The following PLAGL1 variants were observed in gnomAD, a reference collection of about 807,000 sequenced individuals.
The protein encoded by PLAGL1 is PLAG1 like zinc finger 1.
PLAGL1 carries 1 observed loss-of-function variant against 4.6 expected under a neutral mutation model. The ratio of observed to expected loss-of-function variants is 0.22; its 90% confidence interval spans 0.08 to 1.03. The LOEUF (loss-of-function observed/expected upper bound fraction) is 1.03, where lower values mean the gene tolerates loss of function less well. PLAGL1 is among the 50% of genes least tolerant of loss of function. The pLI is 0.58. For synonymous variants in PLAGL1, 240 were observed against 237.8 expected (o/e 1.01, Z -0.08); for missense variants, 464 against 570.4 (o/e 0.81, Z 1.90).
intron 7 of PLAGL1, among the ~76,000 whole-genome samples, chr6:143,944,903 C>T (rs2128510288): frequency 6.6e-6 from 1 of 151,674 alleles, no homozygotes; most frequent in Non-Finnish European, 1.5e-5. Context: ...TTTCATTTAT[C>T]ACCCATGGGT....
chr6:144,064,565 T>TGCGGCGCAGCTCCGACTCG lies in PLAGL1; in HGVS notation c.-267_-249dup, dbSNP rs1292972950. 3.3e-5 allele frequency: 5 copies of TGCGGCGCAGCTCCGACTCG among 151,682 alleles called. No homozygotes were observed. Among genetic ancestry groups the TGCGGCGCAGCTCCGACTCG allele is most frequent in the Non-Finnish European group, 5.9e-5 (4 of 67,956 alleles). The allele number at this position is 151,682 out of a possible 1,614,324, so 9.4% of individuals were successfully genotyped here. On this transcript the variant is annotated 5_prime_UTR_variant, in exon 1 of 4. Coordinates refer to the PLAGL1 transcript ENST00000437412. This position sits in a 1 kb window ranked among gnomAD's most constrained non-coding sequence, Gnocchi z 6.8. ...GGCGGGTCCGGGCGGCCGCTGGGCGTGCGGCGCAGCTCCGACTCGGCGGCG... is the reference window on the plus strand; with the variant it reads ...GGCGGGTCCGGGCGGCCGCTGGGCGTGCGGCGCAGCTCCGACTCGGCGGCGCAGCTCCGACTCGGCGGCG...
intron 1 of PLAGL1, among the ~76,000 whole-genome samples, chr6:144,040,794 A>G (rs999160159): frequency 2.6e-5 from 4 of 152,170 alleles, no homozygotes; most frequent in Non-Finnish European, 5.9e-5. Flanking sequence ...AATTGCTTGA[A>G]CCTGGGAGGT....
In PLAGL1 at chr6:143,994,203, AAATTT is replaced by A. The variant is rs1791160137; in HGVS notation, c.-583-9034_-583-9030del. 6.6e-6 allele frequency among the ~76,000 whole-genome samples: 1 copy of A among 152,170 alleles called. No individual in the cohort carries two copies. The highest frequency in any genetic ancestry group is 2.4e-5 in the African/African-American group (1 of 41,436). ...AGGGACTCCCTAAAGTATACTCGTG[AAATTT>A]ATAACTTACAATGTGGGAAATACTA... On this transcript the variant is annotated intron_variant, in intron 1 of 7. Coordinates refer to ENST00000674357, the MANE Select transcript of PLAGL1 (RefSeq NM_001317162.2). This position sits in a 1 kb window ranked among gnomAD's most constrained non-coding sequence, Gnocchi z 4.3.
In PLAGL1 at chr6:143,942,809, A is replaced by G. The variant is rs1378045792; in HGVS notation, c.153-146T>C. The G allele has an allele frequency of 5.0e-6, 3 of 601,072 alleles. No individual in the cohort carries two copies. Among genetic ancestry groups the G allele is most frequent in the African/African-American group, 3.7e-5 (2 of 53,370 alleles). 37.2% of individuals were successfully genotyped at this position (601,072 alleles called of 1,614,324 possible). On this transcript the variant is annotated intron_variant, in intron 7 of 7. Coordinates refer to ENST00000674357, the MANE Select transcript of PLAGL1 (RefSeq NM_001317162.2). The surrounding 1 kb of genome is among the most constrained non-coding windows in gnomAD (Gnocchi z 7.6). ...ATTCTTTCATATATTTTCCAAATAT[A>G]TAAACTTTTATAATTAAGAAAAGCA...
chr6:143,965,076 C>T lies in PLAGL1; in HGVS notation c.-430-258G>A, dbSNP rs1784167085. The T allele has an allele frequency of 6.6e-6, 1 of 152,094 alleles. No homozygotes were observed. Among genetic ancestry groups the T allele is most frequent in the Non-Finnish European group, 1.5e-5 (1 of 68,026 alleles). The allele number at this position is 152,094 out of a possible 1,614,324, so 9.4% of individuals were successfully genotyped here. ...GATGGAAATGATTGCATGCTGGAAA[C>T]TGAGATGCTTTAGGGGAGAGAAGAT... On this transcript the variant is annotated intron_variant, in intron 4 of 7. Transcript: ENST00000674357. The surrounding 1 kb of genome is among the most constrained non-coding windows in gnomAD (Gnocchi z 7.5).
At chr6:144,024,505 C>T (rs1037352832) in intron 1 of PLAGL1, among the ~76,000 whole-genome samples, 1 of 152,186 alleles carries the variant, frequency 6.6e-6, no homozygotes, top group Non-Finnish European at 1.5e-5. Context: ...GTTCTCTGTA[C>T]AAGCTCTCTT....
upstream of PLAGL1, among the ~76,000 whole-genome samples, chr6:144,012,082 C>T (rs773069590): frequency 6.6e-6 from 1 of 152,168 alleles, no homozygotes. The surrounding 1 kb of genome is among the most constrained non-coding windows in gnomAD (Gnocchi z 4.8). Flanking sequence ...AGACAAAGCA[C>T]GCCTCCATAG....
intron 1 of PLAGL1, among the ~76,000 whole-genome samples, chr6:144,019,302 T>C (rs905843633): frequency 6.6e-6 from 1 of 151,972 alleles, no homozygotes; most frequent in African/African-American, 2.4e-5. Flanking sequence ...TGAAACACCG[T>C]CTCTACTAAA....
rs1327238375 is a variant in PLAGL1, at chr6:143,952,734, T to TA, written c.-324-4275dup. Among the ~76,000 whole-genome samples, 1 of 152,126 alleles carries TA rather than the reference T, an allele frequency of 6.6e-6. No homozygotes were observed. The highest frequency in any genetic ancestry group is 1.9e-4 in the East Asian group (1 of 5,190). ...GGGCACAACTGCTTTACAACATTCT[T>TA]AAAATAAACTGTGACTTCTGGCATC... On this transcript the variant is annotated intron_variant, in intron 6 of 7. Coordinates refer to ENST00000674357, the MANE Select transcript of PLAGL1 (RefSeq NM_001317162.2). This position sits in a 1 kb window ranked among gnomAD's most constrained non-coding sequence, Gnocchi z 6.1.
Position 144,063,964 on chromosome 6 carries a change from G to A in PLAGL1, c.-151+504C>T, listed in dbSNP as rs924143807. Among the ~76,000 whole-genome samples, 2 of 152,158 alleles carry A rather than the reference G, an allele frequency of 1.3e-5. No homozygotes were observed. The highest frequency in any genetic ancestry group is 2.9e-5 in the Non-Finnish European group (2 of 68,016). The stretch of plus-strand genomic sequence containing the variant: ...TTTGTTCCCATTAACTCAGTCTCTG[G>A]GAGACGGGCTAAGCTGGCACTTGAG... On this transcript the variant is annotated intron_variant, in intron 1 of 3. Coordinates refer to the PLAGL1 transcript ENST00000437412. This position sits in a 1 kb window ranked among gnomAD's most constrained non-coding sequence, Gnocchi z 5.7.
At chr6:143,944,045 A>G (rs1018737238) in intron 7 of PLAGL1, among the ~76,000 whole-genome samples, 5 of 152,198 alleles carry the variant, frequency 3.3e-5, no homozygotes, top group African/African-American at 9.7e-5. Context: ...TTGTAGCTTC[A>G]TATCCCTCAG....
In PLAGL1 at chr6:143,997,625, C is replaced by T. The variant is rs959371744; in HGVS notation, c.-584+10465G>A. On this transcript the variant is annotated intron_variant, in intron 1 of 7. Transcript: ENST00000674357. This position sits in a 1 kb window ranked among gnomAD's most constrained non-coding sequence, Gnocchi z 4.6. ...CCTGGGAGGTTGAGGCTGCTGTGAA[C>T]TGTCATCCTGTCATCATGCAATCAC... 3.9e-5 allele frequency among the ~76,000 whole-genome samples: 6 copies of T among 152,132 alleles called. No individual in the cohort carries two copies. The highest frequency in any genetic ancestry group is 2.0e-4 in the Admixed American group (3 of 15,274).
Position 143,957,694 on chromosome 6 carries a change from C to T in PLAGL1, c.-325+2775G>A, listed in dbSNP as rs999398564. Among the ~76,000 whole-genome samples, 2 of 152,138 alleles carry T rather than the reference C, an allele frequency of 1.3e-5. No homozygotes were observed. Among genetic ancestry groups the T allele is most frequent in the Admixed American group, 6.5e-5 (1 of 15,270 alleles). On this transcript the variant is annotated intron_variant, in intron 6 of 7. Coordinates refer to ENST00000674357, the MANE Select transcript of PLAGL1 (RefSeq NM_001317162.2). The surrounding 1 kb of genome is among the most constrained non-coding windows in gnomAD (Gnocchi z 4.2). ...TGAAAAGCATATTAGTTACATTGAC[C>T]ATGGGATGCCTGGTTTGTGAGTGAA...
intron 1 of PLAGL1, among the ~76,000 whole-genome samples, chr6:144,038,388 A>G (rs1281027907): frequency 1.3e-5 from 2 of 152,218 alleles, no homozygotes; most frequent in Non-Finnish European, 2.9e-5. Flanking sequence ...ATCTTGAAAG[A>G]GTAGAACAAA....
chr6:144,045,701 G>A (rs181447558), intron 1 of PLAGL1, among the ~76,000 whole-genome samples: 83 of 152,244 alleles, frequency 5.5e-4, no homozygotes, highest in African/African-American at 1.8e-3. Context: ...TCTTTGTGGT[G>A]TTCTCTGTAT....
rs1028020797 is a variant in PLAGL1 at position 144,016,352 on chromosome 6, G to A, written c.-150-47374C>T. 1.3e-5 allele frequency among the ~76,000 whole-genome samples: 2 copies of A among 152,068 alleles called. No individual in the cohort carries two copies. Among genetic ancestry groups the A allele is most frequent in the African/African-American group, 2.4e-5 (1 of 41,394 alleles). ...ACATTTTTCTGCCTGCCTTACATTCGCTGGCACCTGACTAGATTATGCCCA... is the reference window on the plus strand; with the variant it reads ...ACATTTTTCTGCCTGCCTTACATTCACTGGCACCTGACTAGATTATGCCCA... On this transcript the variant is annotated intron_variant, in intron 1 of 3. Coordinates refer to the PLAGL1 transcript ENST00000437412. The surrounding 1 kb of genome is among the most constrained non-coding windows in gnomAD (Gnocchi z 4.2).
intron 1 of PLAGL1, chr6:144,007,814 C>T (rs1329004670): frequency 6.6e-6 from 1 of 152,214 alleles, no homozygotes; most frequent in East Asian, 1.9e-4. Flanking sequence ...TTGTAAGAAT[C>T]GGGTCTGTGG....
intron 1 of PLAGL1, 155 bp downstream of exon 1, chr6:144,007,935 C>T (rs1794647803): frequency 6.6e-6 from 1 of 152,008 alleles, no homozygotes; most frequent in Admixed American, 6.6e-5. Context: ...GGTCCCGCAC[C>T]CGGCCCCGCG....
In PLAGL1 at chr6:143,994,666, C is replaced by T. The variant is rs1791255476; in HGVS notation, c.-583-9492G>A. Among the ~76,000 whole-genome samples the T allele has an allele frequency of 6.6e-6, 1 of 152,178 alleles. No individual in the cohort carries two copies. The highest frequency in any genetic ancestry group is 1.5e-5 in the Non-Finnish European group (1 of 68,022). On this transcript the variant is annotated intron_variant, in intron 1 of 7. Transcript: ENST00000674357. This position sits in a 1 kb window ranked among gnomAD's most constrained non-coding sequence, Gnocchi z 4.3. The stretch of plus-strand genomic sequence containing the variant: ...TCATATTCGGTCCCAACATTTTATT[C>T]CTGCTTGCGTTTCTGGAAAATCCAC...
Sources: allele counts gnomAD v4.1 joint callset (sites outside exome capture counted in the v4.1 genomes callset), GRCh38; gene constraint gnomAD v4.1.1; non-coding constraint Gnocchi (gnomAD v3.1); transcripts MANE v1.5; gene names NCBI Gene and HGNC (gene_info 2026-07-23, HGNC 2026-07-21).